Variants in GIT2 observed in about 807,000 individuals in gnomAD.
GIT2 encodes ARF GTPase-activating protein GIT2.
In GIT2, 32 loss-of-function variants were observed where a neutral mutation model predicts 100.3. The ratio of observed to expected loss-of-function variants is 0.32; its 90% CI spans 0.24 to 0.43. The LOEUF (loss-of-function observed/expected upper bound fraction) is 0.43. GIT2 is among the 20% of genes least tolerant of loss of function. The probability of loss-of-function intolerance (pLI) is 1.00; values close to 1 mark genes in which losing one functional copy is unlikely to be tolerated. For missense variants in GIT2, 737 were observed against 975.1 expected, an observed-to-expected ratio of 0.76 and a Z score of 3.25; for synonymous variants, 353 against 364.1, an observed-to-expected ratio of 0.97 and a Z score of 0.35.
chr12:109,963,105 G>A (rs199770937), intron 9 of GIT2, among the ~76,000 whole-genome samples: 9 of 152,232 alleles, frequency 5.9e-5, no homozygotes, highest in East Asian at 5.8e-4. Context: ...GGTTATAAAC[G>A]TCTACAATTA....
intron 16 of GIT2, among the ~76,000 whole-genome samples, chr12:109,941,969 C>T (rs1397093678): frequency 6.6e-6 from 1 of 152,018 alleles, no homozygotes; most frequent in Non-Finnish European, 1.5e-5. Context: ...GGACCACAGG[C>T]CCGTGCCACC....
chr12:109,959,661 T>C lies in GIT2; in HGVS notation c.1099+186A>G, dbSNP rs191465379. Reference sequence around the variant, plus strand: ...GCAGCAAACCACCATGGCACACGTATACCTACGTAACAAGCCTGCACATTC... The same window carrying C: ...GCAGCAAACCACCATGGCACACGTACACCTACGTAACAAGCCTGCACATTC... On this transcript the variant is annotated intron_variant, in intron 12 of 19. Coordinates refer to ENST00000355312, the MANE Select transcript of GIT2 (RefSeq NM_057169.5). 3.4e-3 allele frequency among the ~76,000 whole-genome samples: 512 copies of C among 152,236 alleles called. 3 individuals carry two copies. The highest frequency in any genetic ancestry group is 0.01 in the South Asian group (49 of 4,824).
At chr12:109,952,984 G>A (rs1878339864) in intron 13 of GIT2, 108 bp downstream of exon 13, 1 of 1,036,018 alleles carries the variant, frequency 9.7e-7, no homozygotes, top group Non-Finnish European at 1.4e-6. Flanking sequence ...TTTCACCTTT[G>A]CTTGGCCTGA....
At chr12:109,959,777 T>C (rs75504842) in intron 12 of GIT2, 70 bp downstream of exon 12, 1 of 901,672 alleles carries the variant, frequency 1.1e-6, no homozygotes, top group African/African-American at 1.6e-5. Context: ...TTAATTAGTT[T>C]ATAACTTTAA....
Position 109,931,183 on chromosome 12 carries a change from T to C in GIT2, c.*1795A>G, listed in dbSNP as rs1871578263. ...GAAAATAGAAGCTTAGTTATTAGCA[T>C]GTATTGAGGCAACTTGTACTTTGAT... On this transcript the variant is annotated 3_prime_UTR_variant, in exon 20 of 20. Transcript: ENST00000355312. 6.6e-6 allele frequency: 1 copy of C among 152,280 alleles called. No individual in the cohort carries two copies. Among genetic ancestry groups the C allele is most frequent in the Admixed American group, 6.5e-5 (1 of 15,294 alleles). The allele number at this position is 152,280 out of a possible 1,614,324, so 9.4% of individuals were successfully genotyped here.
At chr12:109,945,194 C>T in intron 16 of GIT2, 66 bp downstream of exon 16, 1 of 794,762 alleles carries the variant, frequency 1.3e-6, no homozygotes, top group Non-Finnish European at 2.2e-6. Context: ...GGCCAGAGCC[C>T]AAGCACAAAG....
rs1339217877 is a variant in GIT2, at chr12:109,933,130, G to A, written c.2128C>T (p.Leu710=). 3.1e-6 allele frequency: 5 copies of A among 1,607,444 alleles called. No individual in the cohort carries two copies. Among genetic ancestry groups the A allele is most frequent in the Middle Eastern group, 3.3e-4 (2 of 6,076 alleles). ...LRLLTSSAYR[L]QSECKKTLPG... ...AGGGTCTTCTTGCACTCTGACTGCA[G>A]TCGGTAGGCACTGGACGTCAGTAAA... Residue 710 remains leucine (L), a synonymous_variant, in exon 20 of 20, where the codon CTG becomes TTG. Transcript: ENST00000355312. The surrounding 1 kb of genome is among the most constrained non-coding windows in gnomAD (Gnocchi z 4.5).
Position 109,958,289 on chromosome 12 carries a change from T to C in GIT2, c.1099+1558A>G, listed in dbSNP as rs142245783. Among the ~76,000 whole-genome samples the C allele has an allele frequency of 4.6e-5, 7 of 151,862 alleles. No individual in the cohort carries two copies. In the East Asian group the frequency reaches 1.4e-3, roughly 29 times the overall value. ...CAGAGTCTCACTCTGTTGCTCAGGT[T>C]AGAGTGCAGTGGTGTGATCTCGGCT... On this transcript the variant is annotated intron_variant, in intron 12 of 19. Coordinates refer to ENST00000355312, the MANE Select transcript of GIT2 (RefSeq NM_057169.5).
chr12:109,956,075 C>T (rs1228796930), intron 12 of GIT2, among the ~76,000 whole-genome samples: 5 of 152,030 alleles, frequency 3.3e-5, no homozygotes, highest in Admixed American at 6.6e-5. Flanking sequence ...ATTACAGGCA[C>T]GCGTCACCAT....
At chr12:109,991,519 A>C in intron 2 of GIT2, 108 bp downstream of exon 2, 1 of 812,956 alleles carries the variant, frequency 1.2e-6, no homozygotes, top group Admixed American at 2.2e-5. Context: ...TTCAATTATG[A>C]AACAGTTTTG....
At chr12:109,966,023 T>G (rs1593057306) in intron 8 of GIT2, among the ~76,000 whole-genome samples, 1 of 129,206 alleles carries the variant, frequency 7.7e-6, no homozygotes, top group Non-Finnish European at 1.6e-5. Flanking sequence ...TGAGATGGAG[T>G]CTCACTCTGT....
At chr12:109,945,440 A>G (rs1442163985) in intron 15 of GIT2, 91 bp from the exon 16 acceptor site, 1 of 717,614 alleles carries the variant, frequency 1.4e-6, no homozygotes, top group Non-Finnish European at 2.6e-6. Context: ...ATCCTGGAAC[A>G]CCACACATTA....
At chr12:109,992,012 C>A (rs1888489491) in intron 1 of GIT2, 1 of 402,596 alleles carries the variant, frequency 2.5e-6, no homozygotes, top group East Asian at 4.1e-5. Context: ...TGGTTCAGGG[C>A]CACAGTTTGT....
In GIT2 at chr12:109,993,838, T is replaced by C. The variant is rs184240144; in HGVS notation, c.53-2078A>G. Among the ~76,000 whole-genome samples, 270 of 151,804 alleles carry C rather than the reference T, an allele frequency of 1.8e-3. 1 individual carries two copies. The highest frequency in any genetic ancestry group is 3.3e-3 in the Non-Finnish European group (221 of 67,944). On this transcript the variant is annotated intron_variant, in intron 1 of 19. Coordinates refer to ENST00000355312, the MANE Select transcript of GIT2 (RefSeq NM_057169.5). ...TCAAGTAATTGAACTCAGAGTGTGA[T>C]GTATTTGAAATGAACCAGATTCATT... is the stretch of plus-strand genomic sequence containing the variant.
chr12:109,976,564 G>A (rs1344978425), intron 7 of GIT2, among the ~76,000 whole-genome samples: 1 of 146,768 alleles, frequency 6.8e-6, no homozygotes, highest in Non-Finnish European at 1.5e-5. Flanking sequence ...GATTACGGGC[G>A]TGAGCCACCG....
intron 16 of GIT2, chr12:109,939,516 T>G: frequency 3.6e-6 from 1 of 278,646 alleles, no homozygotes; most frequent in South Asian, 3.7e-5. Context: ...CAAGGCAACA[T>G]ATCCTCATTT....
intron 7 of GIT2, among the ~76,000 whole-genome samples, chr12:109,970,264 C>T (rs999928373): frequency 2.0e-5 from 3 of 151,974 alleles, no homozygotes; most frequent in South Asian, 2.1e-4. Flanking sequence ...GAGGCCGATG[C>T]GGGCAGTTCA....
intron 4 of GIT2, among the ~76,000 whole-genome samples, chr12:109,987,153 C>T (rs765734538): frequency 4.9e-4 from 75 of 151,700 alleles, no homozygotes; most frequent in Non-Finnish European, 6.5e-4. Flanking sequence ...GAGGCCGAGG[C>T]GGGAGGATCA....
At chr12:109,940,619 C>T (rs1874379281) in intron 16 of GIT2, 1 of 152,132 alleles carries the variant, frequency 6.6e-6, no homozygotes, top group South Asian at 2.1e-4. Flanking sequence ...GTGGCTCACA[C>T]CCATAATCCC....
Sources: allele counts gnomAD v4.1 joint callset (sites outside exome capture counted in the v4.1 genomes callset), GRCh38; gene constraint gnomAD v4.1.1; non-coding constraint Gnocchi (gnomAD v3.1); transcripts MANE v1.5; gene names NCBI Gene and HGNC (gene_info 2026-07-23, HGNC 2026-07-21).